MMP16: variants seen among roughly 807,000 people sequenced by gnomAD.
MMP16 encodes the protein matrix metalloproteinase-16.
In MMP16, 12 loss-of-function variants were observed where a neutral mutation model predicts 67.8. The observed-to-expected ratio is 0.18, with a 90% confidence interval of 0.11 to 0.29. MMP16 has a LOEUF of 0.29. Ranked by LOEUF, MMP16 falls within the 10% of genes least tolerant of loss-of-function variation. MMP16 has a pLI of 1.00. For missense variants in MMP16, 475 were observed against 765.7 expected (o/e 0.62, Z 4.48); for synonymous variants, 249 against 255.9 (o/e 0.97, Z 0.26).
intron 1 of MMP16, among the ~76,000 whole-genome samples, chr8:88,232,334 G>A (rs890705987): frequency 5.9e-5 from 9 of 152,046 alleles, no homozygotes; most frequent in African/African-American, 2.2e-4. Context: ...ATCTCCCAAC[G>A]GGTCAGGGAC....
At chr8:88,198,418 G>A (rs1031822691) in intron 1 of MMP16, among the ~76,000 whole-genome samples, 1 of 152,088 alleles carries the variant, frequency 6.6e-6, no homozygotes, top group Non-Finnish European at 1.5e-5. Flanking sequence ...TTGCCAGCAT[G>A]TGTTACCCTT....
intron 1 of MMP16, among the ~76,000 whole-genome samples, chr8:88,307,921 G>C (rs1811235841): frequency 1.3e-5 from 2 of 151,938 alleles, no homozygotes; most frequent in Admixed American, 1.3e-4. Context: ...TATATCAGAA[G>C]ATCCTATTCT....
chr8:88,070,444 T>A lies in MMP16; in HGVS notation c.1222+4161A>T, dbSNP rs1049402477. ...AGCCGGTACTATGGCCCTCCGTGAGTGTCAGGCACTGCTCCTTTTGTTCCC... is the reference window on the plus strand; with the variant it reads ...AGCCGGTACTATGGCCCTCCGTGAGAGTCAGGCACTGCTCCTTTTGTTCCC... On this transcript the variant is annotated intron_variant, in intron 7 of 9. Coordinates refer to ENST00000286614, the MANE Select transcript of MMP16 (RefSeq NM_005941.5). Among the ~76,000 whole-genome samples the A allele has an allele frequency of 4.6e-5, 7 of 152,170 alleles. No homozygotes were observed. In the East Asian group the frequency reaches 1.4e-3, roughly 29 times the overall value.
chr8:88,268,542 A>G (rs557129100), intron 1 of MMP16, among the ~76,000 whole-genome samples: 2 of 152,302 alleles, frequency 1.3e-5, no homozygotes, highest in South Asian at 4.1e-4. Flanking sequence ...TCTTAGTAAG[A>G]ACTCTAATAT....
chr8:88,324,446 G>A (rs183608445), intron 1 of MMP16, among the ~76,000 whole-genome samples: 21 of 152,116 alleles, frequency 1.4e-4, no homozygotes, highest in African/African-American at 4.3e-4. Flanking sequence ...AGAATGGGGG[G>A]ACCACAAATT....
intron 6 of MMP16, among the ~76,000 whole-genome samples, chr8:88,077,924 C>T (rs1055505697): frequency 6.6e-6 from 1 of 152,082 alleles, no homozygotes; most frequent in Non-Finnish European, 1.5e-5. Context: ...TTTGGTTTCA[C>T]CCTTCTAAAC....
chr8:88,115,158 G>T (rs376434703), intron 6 of MMP16, among the ~76,000 whole-genome samples: 22 of 152,094 alleles, frequency 1.4e-4, no homozygotes, highest in African/African-American at 5.1e-4. Flanking sequence ...TGGTATCAAG[G>T]TATAAAGCCT....
intron 1 of MMP16, among the ~76,000 whole-genome samples, chr8:88,315,277 G>A (rs1811359626): frequency 6.6e-6 from 1 of 152,046 alleles, no homozygotes; most frequent in African/African-American, 2.4e-5. Flanking sequence ...TCACATTTTG[G>A]TAATTCTCAC....
At chr8:88,176,318 A>G in intron 3 of MMP16, among the ~76,000 whole-genome samples, 1 of 152,250 alleles carries the variant, frequency 6.6e-6, no homozygotes, top group East Asian at 1.9e-4. Flanking sequence ...AGAATGAGTG[A>G]AATTATAATC....
chr8:88,109,673 A>C (rs1360507838), intron 6 of MMP16, among the ~76,000 whole-genome samples: 1 of 151,266 alleles, frequency 6.6e-6, no homozygotes, highest in Non-Finnish European at 1.5e-5. Context: ...CATGTGCACT[A>C]TACATCTTGA....
chr8:88,169,854 A>T, intron 3 of MMP16, among the ~76,000 whole-genome samples: 1 of 152,168 alleles, frequency 6.6e-6, no homozygotes, highest in South Asian at 2.1e-4. Context: ...CTCTAAATAG[A>T]GTTTGGCTTT....
chr8:88,301,826 G>T (rs1272805066), intron 1 of MMP16, among the ~76,000 whole-genome samples: 1 of 152,108 alleles, frequency 6.6e-6, no homozygotes, highest in Non-Finnish European at 1.5e-5. Flanking sequence ...ATTAAAACTG[G>T]TCTTCAGGAA....
intron 6 of MMP16, among the ~76,000 whole-genome samples, chr8:88,091,350 G>C (rs1236443840): frequency 6.6e-6 from 1 of 151,746 alleles, no homozygotes; most frequent in Non-Finnish European, 1.5e-5. Flanking sequence ...GTCAGATACA[G>C]TAGAAATTGT....
chr8:88,036,789 C>A lies in MMP16; in HGVS notation c.*4672G>T, dbSNP rs1219746528. ...CATATTCTATTTGACATCTGTGATA[C>A]TTTGGAATATGCCCTTGAAAGCATC... On this transcript the variant is annotated 3_prime_UTR_variant, in exon 10 of 10. Transcript: ENST00000286614. The A allele has an allele frequency of 6.6e-6, 1 of 151,576 alleles. No individual in the cohort carries two copies. The highest frequency in any genetic ancestry group is 1.9e-4 in the East Asian group (1 of 5,172). The allele number at this position is 151,576 out of a possible 1,614,324, so 9.4% of individuals were successfully genotyped here.
rs900999518 is a variant in MMP16, at chr8:88,037,489, C to T, written c.*3972G>A. On this transcript the variant is annotated 3_prime_UTR_variant, in exon 10 of 10. Transcript: ENST00000286614. ...ATCATTACTTAGTAATTTATCACAT[C>T]GATTCAGAAAAGCCTTGCCCTCTGA... 2.0e-5 allele frequency: 3 copies of T among 151,840 alleles called. No individual in the cohort carries two copies. The highest frequency in any genetic ancestry group is 7.2e-5 in the African/African-American group (3 of 41,394). The allele number at this position is 151,840 out of a possible 1,614,324, so 9.4% of individuals were successfully genotyped here. A position where few individuals can be genotyped will look rare whatever the true frequency, so the allele number is the denominator to read the frequency against.
chr8:88,230,537 T>C (rs1354350351), intron 1 of MMP16, among the ~76,000 whole-genome samples: 1 of 68 alleles, frequency 0.015, no homozygotes, highest in African/African-American at 0.017. Context: ...TCAATTTTCT[T>C]TTTTTTTTTT....
chr8:88,087,902 G>A (rs1808862596), intron 6 of MMP16, among the ~76,000 whole-genome samples: 1 of 150,980 alleles, frequency 6.6e-6, no homozygotes, highest in Non-Finnish European at 1.5e-5. Flanking sequence ...CGTGATTGTG[G>A]TACTGCGCTA....
chr8:88,254,348 A>G, intron 1 of MMP16, among the ~76,000 whole-genome samples: 1 of 151,830 alleles, frequency 6.6e-6, no homozygotes. Context: ...AAAAATAACT[A>G]ATGGGTACTA....
intron 1 of MMP16, among the ~76,000 whole-genome samples, chr8:88,300,941 G>C (rs569742419): frequency 3.2e-4 from 48 of 152,096 alleles, no homozygotes; most frequent in Non-Finnish European, 4.9e-4. Context: ...GAAAAAACAA[G>C]AATAGGAAGA....
Sources: gnomAD v4.1 joint callset for allele counts (sites outside exome capture counted in the v4.1 genomes callset) on GRCh38, gnomAD v4.1.1 for gene constraint, MANE v1.5 for transcripts, NCBI Gene and HGNC (gene_info 2026-07-23, HGNC 2026-07-21) for gene names.